The following TYW5 variants were observed in gnomAD, a reference collection of about 807,000 sequenced individuals.
TYW5 encodes the protein tRNA wybutosine-synthesizing protein 5.
A neutral mutation model predicts 44.4 loss-of-function variants in TYW5; 36 were observed. The ratio of observed to expected loss-of-function variants is 0.81; its 90% confidence interval spans 0.62 to 1.07. The LOEUF (loss-of-function observed/expected upper bound fraction) is 1.07, where lower values mean the gene tolerates loss of function less well. Among genes scored for constraint, TYW5 ranks in the 50% least tolerant of loss-of-function variants. The probability of loss-of-function intolerance (pLI) is 0.00; values close to 1 mark genes in which losing one functional copy is unlikely to be tolerated. For synonymous variants in TYW5, 121 were observed against 128.1 expected (o/e 0.94, Z 0.37); for missense variants, 354 against 365.7 (o/e 0.97, Z 0.26).
chr2:199,933,390 T>A (rs1324198713), intron 7 of TYW5, 67 bp from the exon 8 acceptor site: 1 of 1,397,120 alleles, frequency 7.2e-7, no homozygotes, highest in Non-Finnish European at 9.7e-7. Context: ...AAAATGTCAG[T>A]GAAATATCAC....
chr2:199,952,520 G>A (rs1302098340), intron 1 of TYW5, among the ~76,000 whole-genome samples: 3 of 152,040 alleles, frequency 2.0e-5, no homozygotes, highest in Non-Finnish European at 4.4e-5. Context: ...CAGATTTTCA[G>A]CCTTTTACCC....
chr2:199,936,453 G>A lies in TYW5; in HGVS notation c.526C>T (p.Arg176Cys), dbSNP rs1290906944. The change falls in exon 6 of 8, where the codon CGT (arginine) becomes TGT (cysteine). Residue 176 changes from arginine (R) to cysteine (C), a missense_variant. Physicochemically the swap from Arg to Cys is radical, Grantham distance 180. Transcript: ENST00000354611. ...NLLIQVTGKK[R>C]VVLFSPRDAQ... ...TCTCGAGGACTGAAGAGTACAACAC[G>A]CTTTTTTCCTGTCACTTGTATTAAC... The A allele has an allele frequency of 3.7e-6, 6 of 1,613,030 alleles. No individual in the cohort carries two copies. The highest frequency in any genetic ancestry group is 4.2e-6 in the Non-Finnish European group (5 of 1,179,592).
Position 199,943,757 on chromosome 2 carries a change from G to C in TYW5, c.303+8C>G, listed in dbSNP as rs749572318. The C allele has an allele frequency of 1.9e-6, 3 of 1,602,730 alleles. No homozygotes were observed. Among genetic ancestry groups the C allele is most frequent in the Middle Eastern group, 1.7e-4 (1 of 6,026 alleles). On this transcript the variant is annotated splice_region_variant and intron_variant, in intron 3 of 7. Coordinates refer to ENST00000354611, the MANE Select transcript of TYW5 (RefSeq NM_001039693.3). ...ATGCCTTCTTTTAAAAATGTTAAAA[G>C]CAATTACCTCTGAAACAAAGAATTC...
At chr2:199,939,207 T>C in intron 4 of TYW5, 137 bp from the exon 5 acceptor site, 1 of 705,566 alleles carries the variant, frequency 1.4e-6, no homozygotes, top group Non-Finnish European at 2.1e-6. Context: ...TCTCTCTCTA[T>C]CTTTCTCTCT....
At chr2:199,945,605 A>G (rs2077498143) in intron 2 of TYW5, 2 of 152,160 alleles carry the variant, frequency 1.3e-5, no homozygotes, top group Admixed American at 1.3e-4. Flanking sequence ...TTCATTCTTC[A>G]AAGCATCTTT....
intron 7 of TYW5, among the ~76,000 whole-genome samples, chr2:199,933,597 A>G (rs1207650418): frequency 1.3e-5 from 2 of 152,146 alleles, no homozygotes; most frequent in Admixed American, 1.3e-4. Flanking sequence ...ATAAAGATAT[A>G]TTTGTTTTGC....
Position 199,940,149 on chromosome 2 carries a change from GAAAA to G in TYW5, c.304-20_304-17del. The G allele has an allele frequency of 2.5e-6, 4 of 1,609,688 alleles. No homozygotes were observed. In the South Asian group the frequency reaches 4.4e-5, roughly 18 times the overall value. ...ATTTCTCATCCTTAAACACCCCAGA[GAAAA>G]ATAACATCAGCAATATTTTACTTTT... On this transcript the variant is annotated splice_polypyrimidine_tract_variant and intron_variant, in intron 3 of 7. Coordinates refer to ENST00000354611, the MANE Select transcript of TYW5 (RefSeq NM_001039693.3).
rs751881614 is a variant in TYW5 at position 199,955,413 on chromosome 2, T to G, written c.58A>C (p.Met20Leu). The G allele has an allele frequency of 1.9e-6, 3 of 1,613,860 alleles. No individual in the cohort carries two copies. The highest frequency in any genetic ancestry group is 2.5e-6 in the Non-Finnish European group (3 of 1,179,958). Residue 20 changes from methionine (M) to leucine (L), a missense_variant, in exon 1 of 8, where the codon ATG (methionine) becomes CTG (leucine). Coordinates refer to ENST00000354611, the MANE Select transcript of TYW5 (RefSeq NM_001039693.3). The stretch of plus-strand genomic sequence containing the variant: ...CTCACCTGTGGGTAGAGGTGCTGCA[T>G]GAACTGCTCCCGAGAAACGCCCTCC... The part of the protein sequence containing the change: ...RLEGVSREQF[M>L]QHLYPQRKPL...
chr2:199,933,634 G>A (rs1296861214), intron 7 of TYW5, among the ~76,000 whole-genome samples: 3 of 152,138 alleles, frequency 2.0e-5, no homozygotes, highest in Non-Finnish European at 1.5e-5. Flanking sequence ...GCTGTGTTTT[G>A]TGTTACTTGT....
chr2:199,933,261 G>A lies in TYW5; in HGVS notation c.754C>T (p.His252Tyr), dbSNP rs1216415133. The A allele has an allele frequency of 7.4e-6, 12 of 1,613,572 alleles. No individual in the cohort carries two copies. In the South Asian group the frequency reaches 1.2e-4, roughly 16 times the overall value. ...TTATCATAGCATTCAGATGGAAGGT[G>A]CTTCCAAAAGATATTCACTCCCACT... ...FGVGVNIFWK[H>Y]LPSECYDKTD... The change falls in exon 8 of 8, where the codon CAC (histidine) becomes TAC (tyrosine). Residue 252 changes from histidine (H) to tyrosine (Y), a missense_variant. Coordinates refer to ENST00000354611, the MANE Select transcript of TYW5 (RefSeq NM_001039693.3).
At chr2:199,940,897 T>A (rs1371850512) in intron 3 of TYW5, among the ~76,000 whole-genome samples, 2 of 152,164 alleles carry the variant, frequency 1.3e-5, no homozygotes, top group African/African-American at 2.4e-5. Context: ...AATAATATAT[T>A]TTTTTAAACT....
chr2:199,932,982 G>T lies in TYW5; in HGVS notation c.*85C>A. On this transcript the variant is annotated 3_prime_UTR_variant, in exon 8 of 8. Transcript: ENST00000354611. ...TACTTACATAATCTGTAAATCTGAT[G>T]TATCTTTCCTATTTTAACAAAATCT... 2.1e-6 allele frequency: 3 copies of T among 1,456,446 alleles called. No homozygotes were observed. Among genetic ancestry groups the T allele is most frequent in the Non-Finnish European group, 2.8e-6 (3 of 1,077,170 alleles). The allele number at this position is 1,456,446 out of a possible 1,614,324, so 90.2% of individuals were successfully genotyped here.
intron 5 of TYW5, among the ~76,000 whole-genome samples, chr2:199,937,749 T>C (rs1293465301): frequency 6.6e-6 from 1 of 152,230 alleles, no homozygotes; most frequent in East Asian, 1.9e-4. Context: ...TCTCACCATG[T>C]TATTCATATA....
chr2:199,951,254 C>G (rs537515687), intron 1 of TYW5, among the ~76,000 whole-genome samples: 5 of 152,136 alleles, frequency 3.3e-5, no homozygotes, highest in African/African-American at 1.2e-4. Flanking sequence ...CAAGAACCTA[C>G]TGAGAACGTT....
At chr2:199,939,436 G>C (rs1436215572) in intron 4 of TYW5, among the ~76,000 whole-genome samples, 1 of 152,096 alleles carries the variant, frequency 6.6e-6, no homozygotes, top group Admixed American at 6.5e-5. Context: ...GAAATACCAG[G>C]CTGTGTAACA....
At chr2:199,944,850 A>G (rs1344910501) in intron 2 of TYW5, 1 of 152,184 alleles carries the variant, frequency 6.6e-6, no homozygotes, top group Admixed American at 6.5e-5. Context: ...TTCTCCTTGC[A>G]CTGTTTTCCC....
chr2:199,941,969 T>G (rs1235987123), intron 3 of TYW5: 1 of 152,284 alleles, frequency 6.6e-6, no homozygotes, highest in East Asian at 1.9e-4. Flanking sequence ...CTGTCAGATC[T>G]GTATCTACAT....
At chr2:199,935,789 G>T (rs1417926938) in intron 7 of TYW5, 142 bp downstream of exon 7, 11 of 607,706 alleles carry the variant, frequency 1.8e-5, no homozygotes, top group Non-Finnish European at 2.9e-5. Context: ...CACACACAGA[G>T]TTTTGTCTAA....
intron 1 of TYW5, among the ~76,000 whole-genome samples, chr2:199,952,553 C>G (rs2077554044): frequency 6.6e-6 from 1 of 152,166 alleles, no homozygotes; most frequent in Non-Finnish European, 1.5e-5. Context: ...TCTTTCCATA[C>G]AAGGGCTTTT....
Sources: gnomAD v4.1 joint callset for allele counts (sites outside exome capture counted in the v4.1 genomes callset) on GRCh38, gnomAD v4.1.1 for gene constraint, MANE v1.5 for transcripts, NCBI Gene and HGNC (gene_info 2026-07-23, HGNC 2026-07-21) for gene names.